SH3BGR: variants seen among roughly 807,000 people sequenced by gnomAD.
SH3BGR encodes SH3 domain binding glutamate rich protein.
In SH3BGR, 29 loss-of-function variants were observed where a neutral mutation model predicts 24.5. The ratio of observed to expected loss-of-function variants is 1.18; its 90% CI spans 0.88 to 1.61. SH3BGR has a LOEUF of 1.61. Among genes scored for constraint, SH3BGR ranks in the 40% most tolerant of loss-of-function variants. The pLI is 0.00. For synonymous variants in SH3BGR, 55 were observed against 65.7 expected, an observed-to-expected ratio of 0.84 and a Z score of 0.79; for missense variants, 162 against 205.8, an observed-to-expected ratio of 0.79 and a Z score of 1.30.
intron 3 of SH3BGR, chr21:39,488,491 G>T: frequency 3.2e-6 from 1 of 310,670 alleles, no homozygotes; most frequent in East Asian, 8.1e-5. Flanking sequence ...GGGAACCTCA[G>T]GAGTGATGAG....
intron 3 of SH3BGR, among the ~76,000 whole-genome samples, chr21:39,494,216 T>C (rs2078352828): frequency 6.9e-6 from 1 of 145,874 alleles, no homozygotes; most frequent in Non-Finnish European, 1.5e-5. Flanking sequence ...ATATTCCCAT[T>C]GAACAGTCTT....
At chr21:39,510,575 A>G (rs2078670302) in intron 5 of SH3BGR, among the ~76,000 whole-genome samples, 1 of 151,940 alleles carries the variant, frequency 6.6e-6, no homozygotes, top group Admixed American at 6.5e-5. Flanking sequence ...CTGCTTCATC[A>G]TTTTAAATGT....
At chr21:39,469,717 G>A (rs1431138913) in intron 2 of SH3BGR, among the ~76,000 whole-genome samples, 1 of 151,428 alleles carries the variant, frequency 6.6e-6, no homozygotes, top group Non-Finnish European at 1.5e-5. Flanking sequence ...GCAGTGGCCC[G>A]ATCTCAGCTC....
intron 1 of SH3BGR, among the ~76,000 whole-genome samples, chr21:39,458,882 G>C (rs1035563007): frequency 6.6e-6 from 1 of 151,968 alleles, no homozygotes; most frequent in African/African-American, 2.4e-5. Flanking sequence ...CCTGGCCTCA[G>C]ATGATCTGCC....
At chr21:39,453,607 A>C (rs1305185838) in intron 1 of SH3BGR, among the ~76,000 whole-genome samples, 1 of 152,136 alleles carries the variant, frequency 6.6e-6, no homozygotes, top group African/African-American at 2.4e-5. Flanking sequence ...TGGGCCCATA[A>C]TTTAGTTAGC....
rs2078467251 is a variant in SH3BGR, at chr21:39,500,007, A to G, written c.405+92A>G. The G allele has an allele frequency of 4.1e-5, 36 of 885,170 alleles. No individual in the cohort carries two copies. In the South Asian group the frequency reaches 5.0e-4, roughly 12 times the overall value. The allele number at this position is 885,170 out of a possible 1,614,324, so 54.8% of individuals were successfully genotyped here. ...GTACAACTTGACTCTGGGCACAAGC[A>G]GTCAGAAAGAGGGCAAGGAGCTGAG... On this transcript the variant is annotated intron_variant, in intron 4 of 6. Coordinates refer to ENST00000333634, the MANE Select transcript of SH3BGR (RefSeq NM_007341.3).
At chr21:39,463,454 A>C (rs1479687046) in intron 2 of SH3BGR, among the ~76,000 whole-genome samples, 2 of 152,254 alleles carry the variant, frequency 1.3e-5, no homozygotes, top group Non-Finnish European at 2.9e-5. Context: ...CTTAGAGGTC[A>C]TCTAAGCCAT....
chr21:39,490,825 C>T (rs2078287479), intron 3 of SH3BGR, among the ~76,000 whole-genome samples: 1 of 151,918 alleles, frequency 6.6e-6, no homozygotes, highest in Non-Finnish European at 1.5e-5. Flanking sequence ...ACTTCCCTCC[C>T]AGGCTAAAAT....
intron 3 of SH3BGR, among the ~76,000 whole-genome samples, chr21:39,482,169 T>C (rs1338910554): frequency 1.3e-5 from 2 of 152,158 alleles, no homozygotes; most frequent in Non-Finnish European, 2.9e-5. Flanking sequence ...AGTTCTAGTC[T>C]ATAAAAAACA....
At chr21:39,510,382 ACACACACACT>A (rs2078660835) in intron 5 of SH3BGR, among the ~76,000 whole-genome samples, 1 of 135,312 alleles carries the variant, frequency 7.4e-6, no homozygotes, top group Non-Finnish European at 1.6e-5. Context: ...ACACACACAC[ACACACACACT>A]GTAGCTACAC....
chr21:39,474,191 C>A (rs1024065346), intron 2 of SH3BGR, among the ~76,000 whole-genome samples: 4 of 152,100 alleles, frequency 2.6e-5, no homozygotes, highest in Non-Finnish European at 5.9e-5. Flanking sequence ...TAGTCTTGAA[C>A]TCATGTTCAA....
At position 39,492,481 on chromosome 21, in the gene SH3BGR, T is replaced by TATATAC. The variant is rs1310495973; in HGVS notation, c.313-7341_313-7340insTATACA. Among the ~76,000 whole-genome samples, 100 of 81,602 alleles carry TATATAC rather than the reference T, an allele frequency of 1.2e-3. 1 individual carries two copies. The highest frequency in any genetic ancestry group is 2.8e-3 in the African/African-American group (93 of 33,434). 53.5% of individuals were successfully genotyped at this position (81,602 alleles called of 152,430 possible). A position where few individuals can be genotyped will look rare whatever the true frequency, so the allele number is the denominator to read the frequency against. On this transcript the variant is annotated intron_variant, in intron 3 of 6. Transcript: ENST00000333634. ...GTGTGTGTGTGTATATATATATATA[T>TATATAC]ACACACACACACACACACCACATTT...
At chr21:39,451,714 C>G, upstream of SH3BGR, 3 of 703,212 alleles carry the variant, frequency 4.3e-6, no homozygotes, top group South Asian at 3.9e-5. Flanking sequence ...TTACCGGGGC[C>G]CCACCTCCCT....
rs2078762359 is a variant in SH3BGR, at chr21:39,515,352, A to G, written c.*299A>G. 1 of 172,798 alleles carries G rather than the reference A, an allele frequency of 5.8e-6. No individual in the cohort carries two copies. The highest frequency in any genetic ancestry group is 6.4e-5 in the Admixed American group (1 of 15,612). 10.7% of individuals were successfully genotyped at this position (172,798 alleles called of 1,614,324 possible). A position where few individuals can be genotyped will look rare whatever the true frequency, so the allele number is the denominator to read the frequency against. On this transcript the variant is annotated 3_prime_UTR_variant, in exon 7 of 7. Transcript: ENST00000333634. ...ATAGCTAGACCATCTTATTAATAAT[A>G]CTCTGAAAAAAATGATTTCAAGGCA...
chr21:39,503,699 A>G (rs2078535235), intron 4 of SH3BGR, among the ~76,000 whole-genome samples: 1 of 152,196 alleles, frequency 6.6e-6, no homozygotes, highest in Admixed American at 6.5e-5. Flanking sequence ...AACAAAAACT[A>G]TTATCTTCTT....
At chr21:39,473,406 G>C (rs2077973810) in intron 2 of SH3BGR, among the ~76,000 whole-genome samples, 1 of 152,152 alleles carries the variant, frequency 6.6e-6, no homozygotes, top group Admixed American at 6.5e-5. Context: ...TGATTAGTAA[G>C]TGTGTACTCT....
At chr21:39,510,348 T>C (rs2078657138) in intron 5 of SH3BGR, among the ~76,000 whole-genome samples, 1 of 147,276 alleles carries the variant, frequency 6.8e-6, no homozygotes, top group African/African-American at 2.5e-5. Context: ...TACCCAGAGA[T>C]AACCACTGTA....
chr21:39,451,130 T>G (rs2148440627), upstream of SH3BGR, among the ~76,000 whole-genome samples: 1 of 152,324 alleles, frequency 6.6e-6, no homozygotes, highest in South Asian at 2.1e-4. Context: ...CTTCTCTAAC[T>G]TTTAACACAA....
At chr21:39,447,975 G>A (rs917543579), upstream of SH3BGR, among the ~76,000 whole-genome samples, 1 of 152,184 alleles carries the variant, frequency 6.6e-6, no homozygotes, top group East Asian at 1.9e-4. Flanking sequence ...GAAAGTCCAT[G>A]TTTCCTCTGA....
Sources: gnomAD v4.1 joint callset for allele counts (sites outside exome capture counted in the v4.1 genomes callset) on GRCh38, gnomAD v4.1.1 for gene constraint, MANE v1.5 for transcripts, NCBI Gene and HGNC (gene_info 2026-07-23, HGNC 2026-07-21) for gene names.